NDST4: variants seen among roughly 807,000 people sequenced by gnomAD.
The protein encoded by NDST4 is N-heparan sulfate sulfotransferase 4.
A neutral mutation model predicts 100.8 loss-of-function variants in NDST4; 63 were observed. The ratio of observed to expected loss-of-function variants is 0.62; its 90% confidence interval spans 0.51 to 0.77. The LOEUF is 0.77. NDST4 is among the 30% of genes least tolerant of loss of function. The probability of loss-of-function intolerance (pLI) is 0.00; values close to 1 mark genes in which losing one functional copy is unlikely to be tolerated. For missense variants in NDST4, 943 were observed against 1,018.4 expected (o/e 0.93, Z 1.01); for synonymous variants, 377 against 361.8 (o/e 1.04, Z -0.48).
intron 6 of NDST4, among the ~76,000 whole-genome samples, chr4:114,891,689 C>A (rs1724601940): frequency 6.6e-6 from 1 of 152,056 alleles, no homozygotes; most frequent in African/African-American, 2.4e-5. Flanking sequence ...CATTCAGCAC[C>A]AAACACTGCA....
intron 2 of NDST4, among the ~76,000 whole-genome samples, chr4:115,022,571 C>T (rs1035651639): frequency 6.7e-6 from 1 of 148,186 alleles, no homozygotes; most frequent in Non-Finnish European, 1.5e-5. Context: ...TAATGGCATT[C>T]GCAGCAACGT....
intron 5 of NDST4, among the ~76,000 whole-genome samples, chr4:114,936,188 C>A (rs1330452471): frequency 1.3e-5 from 2 of 151,830 alleles, no homozygotes; most frequent in Non-Finnish European, 2.9e-5. Context: ...TAAAGGGAAA[C>A]CTGGGTATTT....
intron 6 of NDST4, among the ~76,000 whole-genome samples, chr4:114,901,212 C>T (rs1444066967): frequency 2.6e-5 from 4 of 151,956 alleles, no homozygotes; most frequent in Non-Finnish European, 5.9e-5. Context: ...GCTTTTCTCC[C>T]TGATGAATCT....
chr4:114,980,382 C>G (rs1172789365), intron 2 of NDST4, among the ~76,000 whole-genome samples: 1 of 152,174 alleles, frequency 6.6e-6, no homozygotes, highest in Non-Finnish European at 1.5e-5. Context: ...TGGCTCATGC[C>G]TGTAATCCCA....
rs567662522 is a variant in NDST4 at position 114,827,933 on chromosome 4, A to G, written c.2502T>C (p.Ser834=). ...GGTAGTAATTAGAGAGGAACGTTCT[A>G]GACTGGAAAGAAAAAAAGAAGAACT... ...GRKYPPMDPE[S]RTFLSNYYRD... is the part of the protein sequence containing the mutation. The change falls in exon 14 of 14, where the codon TCT becomes TCC. Residue 834 remains serine (S), a splice_region_variant and synonymous_variant. Transcript: ENST00000264363. 1 of 1,586,452 alleles carries G rather than the reference A, an allele frequency of 6.3e-7. No homozygotes were observed. The highest frequency in any genetic ancestry group is 8.5e-7 in the Non-Finnish European group (1 of 1,172,294).
Position 115,024,261 on chromosome 4 carries a change from A to G in NDST4, c.979-46987T>C, listed in dbSNP as rs1727929853. Among the ~76,000 whole-genome samples, 4 of 152,114 alleles carry G rather than the reference A, an allele frequency of 2.6e-5. No homozygotes were observed. In the South Asian group the frequency reaches 6.2e-4, roughly 24 times the overall value. On this transcript the variant is annotated intron_variant, in intron 2 of 13. Transcript: ENST00000264363. ...AAGGTGGGGTCACCTTGAAAACCCT[A>G]GAACTGTAGAGTTACCATCATGCAG...
At chr4:115,003,477 C>A (rs1727342313) in intron 2 of NDST4, among the ~76,000 whole-genome samples, 1 of 152,090 alleles carries the variant, frequency 6.6e-6, no homozygotes, top group Non-Finnish European at 1.5e-5. Flanking sequence ...TCGCCTTTAC[C>A]TAATTTTATG....
intron 6 of NDST4, among the ~76,000 whole-genome samples, chr4:114,915,160 C>T (rs1031992901): frequency 6.6e-6 from 1 of 152,114 alleles, no homozygotes; most frequent in African/African-American, 2.4e-5. Flanking sequence ...ACCAACCTCA[C>T]CCTGTTCTCA....
chr4:115,035,515 G>A (rs1578472395), intron 2 of NDST4, among the ~76,000 whole-genome samples: 1 of 152,100 alleles, frequency 6.6e-6, no homozygotes, highest in East Asian at 1.9e-4. Context: ...AATAAAAAAA[G>A]GCAGCAGAAG....
chr4:115,101,451 G>T (rs1253656484), intron 1 of NDST4, among the ~76,000 whole-genome samples: 1 of 152,076 alleles, frequency 6.6e-6, no homozygotes, highest in Non-Finnish European at 1.5e-5. Flanking sequence ...GGAACAGGGT[G>T]CATGGTAAGA....
At chr4:115,026,794 A>G (rs1199258294) in intron 2 of NDST4, among the ~76,000 whole-genome samples, 1 of 152,076 alleles carries the variant, frequency 6.6e-6, no homozygotes, top group Non-Finnish European at 1.5e-5. Flanking sequence ...CAGATAAAAG[A>G]GCTACTGAAG....
intron 2 of NDST4, among the ~76,000 whole-genome samples, chr4:115,016,151 T>C (rs1404029321): frequency 6.6e-6 from 1 of 152,094 alleles, no homozygotes; most frequent in Non-Finnish European, 1.5e-5. Context: ...TAATGGGATT[T>C]TCGTGGAATT....
rs141141303 is a variant in NDST4 at position 115,069,530 on chromosome 4, C to G, written c.978+6529G>C. On this transcript the variant is annotated intron_variant, in intron 2 of 13. Coordinates refer to ENST00000264363, the MANE Select transcript of NDST4 (RefSeq NM_022569.3). ...CACTTTTCAAAAGTATACATACATGCGGCCAACAAGCATATGGAAAAAACT... is the reference window on the plus strand; with the variant it reads ...CACTTTTCAAAAGTATACATACATGGGGCCAACAAGCATATGGAAAAAACT... 5.4e-3 allele frequency among the ~76,000 whole-genome samples: 820 copies of G among 152,212 alleles called. 3 individuals carry two copies. Among genetic ancestry groups the G allele is most frequent in the Middle Eastern group, 0.02 (6 of 294 alleles).
intron 2 of NDST4, among the ~76,000 whole-genome samples, chr4:115,016,414 T>A (rs1727677927): frequency 6.6e-6 from 1 of 152,116 alleles, no homozygotes; most frequent in African/African-American, 2.4e-5. Flanking sequence ...TTACTCCTAA[T>A]GGCTCATTAG....
At chr4:115,084,754 G>A (rs1240830054) in intron 1 of NDST4, among the ~76,000 whole-genome samples, 64 of 152,298 alleles carry the variant, frequency 4.2e-4, no homozygotes, top group Admixed American at 3.8e-3. Context: ...GAGAACCTCC[G>A]CCTATAATTC....
At chr4:114,854,313 T>G (rs879854811) in intron 7 of NDST4, among the ~76,000 whole-genome samples, 2 of 152,248 alleles carry the variant, frequency 1.3e-5, no homozygotes, top group Non-Finnish European at 2.9e-5. Flanking sequence ...AATCTCATTC[T>G]TTTTCATGGC....
At chr4:114,989,424 C>T (rs965739021) in intron 2 of NDST4, among the ~76,000 whole-genome samples, 1 of 152,096 alleles carries the variant, frequency 6.6e-6, no homozygotes, top group Non-Finnish European at 1.5e-5. Context: ...ATTTAAGCAG[C>T]TAATATAGTC....
chr4:114,830,420 C>T (rs570446252), intron 12 of NDST4, among the ~76,000 whole-genome samples: 105 of 152,150 alleles, frequency 6.9e-4, no homozygotes, highest in African/African-American at 2.4e-3. Flanking sequence ...TTACACTTTT[C>T]AAAAAACAAA....
chr4:114,885,808 G>A (rs1413550383), intron 6 of NDST4, among the ~76,000 whole-genome samples: 1 of 151,852 alleles, frequency 6.6e-6, no homozygotes, highest in Non-Finnish European at 1.5e-5. Context: ...TCTGGATCTG[G>A]AATAAATTTT....
Sources: gnomAD v4.1 joint callset for allele counts (sites outside exome capture counted in the v4.1 genomes callset) on GRCh38, gnomAD v4.1.1 for gene constraint, MANE v1.5 for transcripts, NCBI Gene and HGNC (gene_info 2026-07-23, HGNC 2026-07-21) for gene names.